The following NMNAT3 variants were observed in gnomAD, a reference collection of about 807,000 sequenced individuals.
NMNAT3 encodes nicotinamide nucleotide adenylyltransferase 3.
NMNAT3 carries 21 observed loss-of-function variants against 24.8 expected under a neutral mutation model. The ratio of observed to expected loss-of-function variants is 0.85; its 90% CI spans 0.60 to 1.22. The LOEUF (loss-of-function observed/expected upper bound fraction) is 1.22. Among genes scored for constraint, NMNAT3 ranks in the 50% most tolerant of loss-of-function variants. The probability of loss-of-function intolerance (pLI) is 0.00; values close to 1 mark genes in which losing one functional copy is unlikely to be tolerated. For synonymous variants in NMNAT3, 136 were observed against 155.2 expected (o/e 0.88, Z 0.92); for missense variants, 387 against 436.6 (o/e 0.89, Z 1.01).
chr3:139,567,123 C>T (rs1250023600), intron 6 of NMNAT3: 20 of 152,280 alleles, frequency 1.3e-4, no homozygotes, highest in Admixed American at 8.5e-4. Flanking sequence ...CTCTTTGAAG[C>T]AATTGTGAAT....
At chr3:139,608,954 T>G (rs2055068572) in intron 3 of NMNAT3, among the ~76,000 whole-genome samples, 2 of 152,228 alleles carry the variant, frequency 1.3e-5, no homozygotes, top group African/African-American at 4.8e-5. Context: ...ACTTACACAA[T>G]TTTATCATTT....
intron 1 of NMNAT3, among the ~76,000 whole-genome samples, chr3:139,651,542 A>G (rs1576748123): frequency 6.6e-6 from 1 of 152,330 alleles, no homozygotes; most frequent in South Asian, 2.1e-4. Flanking sequence ...CTGCTGACCC[A>G]CTGCCAATGA....
At position 139,560,658 on chromosome 3, in the gene NMNAT3, G is replaced by A. The variant is rs1310706413; in HGVS notation, c.*352C>T. On this transcript the variant is annotated 3_prime_UTR_variant, in exon 7 of 7. Transcript: ENST00000643695. ...GTGGGCAATTCTGATCTGACCCTCA[G>A]GGGCCGCTGCCATGCTCAGAACTGC... 4.6e-6 allele frequency: 1 copy of A among 216,724 alleles called. No individual in the cohort carries two copies. The highest frequency in any genetic ancestry group is 9.2e-6 in the Non-Finnish European group (1 of 108,928). 13.4% of individuals were successfully genotyped at this position (216,724 alleles called of 1,614,324 possible).
chr3:139,670,763 G>A (rs2057731736), intron 1 of NMNAT3, among the ~76,000 whole-genome samples: 1 of 152,218 alleles, frequency 6.6e-6, no homozygotes. Context: ...GTGTGTGTTG[G>A]GTTGTGGGGA....
At chr3:139,665,546 G>A (rs2057549336) in intron 1 of NMNAT3, among the ~76,000 whole-genome samples, 1 of 152,176 alleles carries the variant, frequency 6.6e-6, no homozygotes, top group Admixed American at 6.5e-5. Flanking sequence ...GGATGACCAT[G>A]CTGGCTTGAG....
intron 2 of NMNAT3, among the ~76,000 whole-genome samples, chr3:139,629,600 A>C (rs1016257374): frequency 1.7e-4 from 26 of 152,176 alleles, no homozygotes; most frequent in African/African-American, 6.3e-4. Flanking sequence ...GTAATCCTGC[A>C]GTTCTGGGGG....
At chr3:139,647,005 C>A (rs1180301919) in intron 1 of NMNAT3, among the ~76,000 whole-genome samples, 2 of 152,192 alleles carry the variant, frequency 1.3e-5, no homozygotes, top group African/African-American at 4.8e-5. Context: ...CACCTGTATG[C>A]ACATCTGGGA....
chr3:139,611,861 C>T (rs907077838), intron 3 of NMNAT3, among the ~76,000 whole-genome samples: 4 of 152,110 alleles, frequency 2.6e-5, no homozygotes, highest in South Asian at 2.1e-4. Flanking sequence ...TCTGTTGAGT[C>T]GATCATAAAA....
intron 3 of NMNAT3, among the ~76,000 whole-genome samples, chr3:139,590,971 A>G (rs1207809318): frequency 1.3e-5 from 2 of 152,216 alleles, no homozygotes; most frequent in Admixed American, 6.5e-5. Context: ...AGGAGCCAAG[A>G]TGGCCGAATA....
intron 2 of NMNAT3, among the ~76,000 whole-genome samples, chr3:139,628,039 C>T (rs954194835): frequency 6.6e-6 from 1 of 152,140 alleles, no homozygotes; most frequent in African/African-American, 2.4e-5. Context: ...GGACTGGAAC[C>T]AAGGCAGCCT....
At chr3:139,657,082 C>G (rs2057269559) in intron 1 of NMNAT3, among the ~76,000 whole-genome samples, 1 of 152,166 alleles carries the variant, frequency 6.6e-6, no homozygotes, top group Admixed American at 6.5e-5. Flanking sequence ...GACACAGAAA[C>G]TCCGGGCTCC....
intron 3 of NMNAT3, among the ~76,000 whole-genome samples, chr3:139,622,782 T>TC (rs1559921337): frequency 1.4e-5 from 2 of 142,120 alleles, no homozygotes; most frequent in African/African-American, 5.1e-5. Context: ...ATATATATGA[T>TC]ATATATATGA....
chr3:139,575,619 T>C, intron 5 of NMNAT3: 1 of 1,012,500 alleles, frequency 9.9e-7, no homozygotes, highest in South Asian at 4.1e-5. Flanking sequence ...CTACTTTGAA[T>C]ATTAGCTGGA....
rs549230431 is a variant in NMNAT3, at chr3:139,572,085, C to T, written c.658+1513G>A. On this transcript the variant is annotated intron_variant, in intron 6 of 6. Coordinates refer to ENST00000643695, the MANE Select transcript of NMNAT3 (RefSeq NM_001320510.2). ...GGTGCCCCCTCCTCCATGCAGCCTT[C>T]CTAATTCATGCCTGGACTCACCTCC... 6 of 398,826 alleles carry T rather than the reference C, an allele frequency of 1.5e-5. No homozygotes were observed. In the East Asian group the frequency reaches 2.1e-4, roughly 14 times the overall value. 24.7% of individuals were successfully genotyped at this position (398,826 alleles called of 1,614,324 possible). A position where few individuals can be genotyped will look rare whatever the true frequency, so the allele number is the denominator to read the frequency against.
At chr3:139,609,555 T>G (rs933005587) in intron 3 of NMNAT3, 1 of 127,164 alleles carries the variant, frequency 7.9e-6, no homozygotes, top group African/African-American at 2.8e-5. Flanking sequence ...TGGTTCTTCA[T>G]GTATTTTGTT....
chr3:139,656,591 C>T (rs975883139), intron 1 of NMNAT3, among the ~76,000 whole-genome samples: 1 of 152,124 alleles, frequency 6.6e-6, no homozygotes, highest in South Asian at 2.1e-4. Flanking sequence ...AGTTTGAGAC[C>T]AGCCTGGGCA....
At chr3:139,568,598 T>C (rs1937578282) in intron 6 of NMNAT3, 1 of 152,262 alleles carries the variant, frequency 6.6e-6, no homozygotes, top group Admixed American at 6.5e-5. Context: ...TTTCATTATT[T>C]ACCCAGTAGT....
rs553088015 is a variant in NMNAT3 at position 139,677,115 on chromosome 3, G to C, written c.-141+590C>G. 9.9e-5 allele frequency among the ~76,000 whole-genome samples: 15 copies of C among 152,234 alleles called. No homozygotes were observed. In the South Asian group the frequency reaches 2.9e-3, roughly 29 times the overall value. ...GAGTTTGCTCTGTTGTTCCCCGCCC[G>C]GGAATTCTCTAAAGTTTTAGTTCCA... On this transcript the variant is annotated intron_variant, in intron 1 of 6. Coordinates refer to ENST00000643695, the MANE Select transcript of NMNAT3 (RefSeq NM_001320510.2).
intron 3 of NMNAT3, among the ~76,000 whole-genome samples, chr3:139,615,781 T>C (rs1453052639): frequency 2.6e-5 from 4 of 152,218 alleles, no homozygotes; most frequent in Non-Finnish European, 2.9e-5. Flanking sequence ...GTTTAGAGTT[T>C]AATATTTTGT....
Sources: gnomAD v4.1 joint callset for allele counts (sites outside exome capture counted in the v4.1 genomes callset) on GRCh38, gnomAD v4.1.1 for gene constraint, MANE v1.5 for transcripts, NCBI Gene and HGNC (gene_info 2026-07-23, HGNC 2026-07-21) for gene names.